Variants in THEMIS observed in about 807,000 individuals in gnomAD.
THEMIS encodes thymocyte selection associated, also known as protein THEMIS.
THEMIS carries 37 observed loss-of-function variants against 52.6 expected under a neutral mutation model. That is an observed-to-expected ratio of 0.70 (90% CI 0.54 to 0.93). THEMIS has a LOEUF of 0.93. THEMIS is among the 40% of genes least tolerant of loss of function. The pLI is 0.00. For missense variants in THEMIS, 808 were observed against 763.1 expected, an observed-to-expected ratio of 1.06 and a Z score of -0.69; for synonymous variants, 292 against 272.7, an observed-to-expected ratio of 1.07 and a Z score of -0.70.
chr6:127,703,701 A>T (rs1011138505), downstream of THEMIS, among the ~76,000 whole-genome samples: 1 of 152,184 alleles, frequency 6.6e-6, no homozygotes, highest in Non-Finnish European at 1.5e-5. Context: ...ATAATAAACT[A>T]AACCTTGCAA....
Position 127,813,081 on chromosome 6 carries a change from A to G in THEMIS, c.1560T>C (p.Ser520=). Residue 520 remains serine, a synonymous_variant, in exon 4 of 6, where the codon TCT becomes TCC. Transcript: ENST00000368248. ...TGACTAGAAATGGTTCTGCATCCCTAGAGAAATTACTAACTAACTGAACAG... is the reference window on the plus strand; with the variant it reads ...TGACTAGAAATGGTTCTGCATCCCTGGAGAAATTACTAACTAACTGAACAG... ...NMTVQLVSNF[S]RDAEPFLVRT... The G allele has an allele frequency of 6.2e-7, 1 of 1,614,096 alleles. No individual in the cohort carries two copies. The highest frequency in any genetic ancestry group is 8.5e-7 in the Non-Finnish European group (1 of 1,180,012).
intron 4 of THEMIS, among the ~76,000 whole-genome samples, chr6:127,780,195 T>G (rs549507801): frequency 8.5e-5 from 13 of 152,316 alleles, no homozygotes; most frequent in African/African-American, 3.1e-4. Context: ...TTAAAGTCTG[T>G]TTTATCAGAG....
intron 4 of THEMIS, among the ~76,000 whole-genome samples, chr6:127,739,081 C>A (rs993569487): frequency 1.3e-5 from 2 of 152,160 alleles, no homozygotes; most frequent in African/African-American, 4.8e-5. Flanking sequence ...TTGTGTGCAT[C>A]TAAACTCCCT....
intron 5 of THEMIS, among the ~76,000 whole-genome samples, chr6:127,714,705 C>G (rs977563012): frequency 3.3e-5 from 5 of 151,934 alleles, no homozygotes; most frequent in African/African-American, 4.8e-5. Flanking sequence ...GGGTCTGTCT[C>G]ATTGCAAAAC....
intron 1 of THEMIS, among the ~76,000 whole-genome samples, chr6:127,859,425 T>G (rs1779721910): frequency 6.6e-6 from 1 of 152,172 alleles, no homozygotes; most frequent in Non-Finnish European, 1.5e-5. Context: ...CAATTTATTA[T>G]GATTTCCTAG....
chr6:127,803,616 C>G (rs1477041893), intron 4 of THEMIS, among the ~76,000 whole-genome samples: 1 of 152,096 alleles, frequency 6.6e-6, no homozygotes, highest in Non-Finnish European at 1.5e-5. Context: ...GTTCTACTTC[C>G]TGAAACTTAT....
the THEMIS span, among the ~76,000 whole-genome samples, chr6:127,701,819 T>C: frequency 2.6e-5 from 4 of 152,200 alleles, no homozygotes; most frequent in Non-Finnish European, 5.9e-5. Flanking sequence ...TTTATGTTCA[T>C]TATCCTTTCG....
intron 4 of THEMIS, among the ~76,000 whole-genome samples, chr6:127,791,675 A>G (rs150047695): frequency 1.3e-5 from 2 of 152,132 alleles, no homozygotes; most frequent in African/African-American, 4.8e-5. Context: ...CATGGTGCCT[A>G]TGGTGCCCTG....
intron 2 of THEMIS, among the ~76,000 whole-genome samples, chr6:127,847,968 G>A (rs1583347416): frequency 6.6e-6 from 1 of 150,754 alleles, no homozygotes; most frequent in South Asian, 2.1e-4. Context: ...TGCACAATGT[G>A]CAGGTTGGTT....
At chr6:127,832,934 C>T (rs1390596030) in intron 2 of THEMIS, among the ~76,000 whole-genome samples, 1 of 151,552 alleles carries the variant, frequency 6.6e-6, no homozygotes, top group African/African-American at 2.4e-5. Context: ...CAGGTGTGCA[C>T]CACCATACTC....
chr6:127,858,771 T>C (rs1779700332), intron 1 of THEMIS, among the ~76,000 whole-genome samples: 1 of 152,114 alleles, frequency 6.6e-6, no homozygotes, highest in African/African-American at 2.4e-5. Flanking sequence ...TCGAATCTAT[T>C]AAATCTTTAC....
chr6:127,877,126 A>T (rs897061533), intron 1 of THEMIS, among the ~76,000 whole-genome samples: 1 of 152,190 alleles, frequency 6.6e-6, no homozygotes, highest in Non-Finnish European at 1.5e-5. Context: ...GAGTCTTCAG[A>T]GAGTCATAAT....
chr6:127,848,297 G>A (rs1018395924), intron 2 of THEMIS, among the ~76,000 whole-genome samples: 12 of 151,806 alleles, frequency 7.9e-5, no homozygotes, highest in African/African-American at 2.4e-4. Context: ...GTGTATATGT[G>A]CCACATTTTC....
At chr6:127,798,978 C>T (rs1458502103) in intron 4 of THEMIS, among the ~76,000 whole-genome samples, 1 of 130,308 alleles carries the variant, frequency 7.7e-6, no homozygotes, top group South Asian at 2.3e-4. Context: ...GGCGACAGAG[C>T]GAGACTCCGT....
chr6:127,816,727 T>C (rs902382457), intron 3 of THEMIS, among the ~76,000 whole-genome samples: 11 of 152,168 alleles, frequency 7.2e-5, no homozygotes, highest in African/African-American at 2.7e-4. Context: ...TTTATGTCTG[T>C]CTTCTGTTTA....
At chr6:127,759,647 C>T (rs1775948468) in intron 4 of THEMIS, among the ~76,000 whole-genome samples, 1 of 152,146 alleles carries the variant, frequency 6.6e-6, no homozygotes, top group African/African-American at 2.4e-5. Flanking sequence ...CAAACACATC[C>T]AGCATGTAAC....
rs188921943 is a variant in THEMIS at position 127,850,684 on chromosome 6, A to G, written c.250+4346T>C. On this transcript the variant is annotated intron_variant, in intron 2 of 5. Transcript: ENST00000368248. ...CTCACTTACAAGTAGGAGCTAAGCT[A>G]TGAGGACACAAAGGCATAAGAGTGA... Among the ~76,000 whole-genome samples the G allele has an allele frequency of 2.1e-3, 312 of 151,946 alleles. 5 individuals carry two copies. The highest frequency in any genetic ancestry group is 2.5e-3 in the Non-Finnish European group (168 of 67,836).
In THEMIS at chr6:127,883,605, T is replaced by C. The variant is rs774499240; in HGVS notation, c.91+17237A>G. On this transcript the variant is annotated intron_variant, in intron 1 of 5. Transcript: ENST00000368248. ...GTTTGACTTAGCAATTTTTTGACTT[T>C]ATGATGATGTGAAAGTAGTACCTAT... 3.9e-5 allele frequency among the ~76,000 whole-genome samples: 6 copies of C among 152,210 alleles called. No homozygotes were observed. In the East Asian group the frequency reaches 1.2e-3, roughly 29 times the overall value.
intron 1 of THEMIS, among the ~76,000 whole-genome samples, chr6:127,900,269 G>A (rs1781098138): frequency 6.6e-6 from 1 of 151,818 alleles, no homozygotes; most frequent in East Asian, 1.9e-4. Flanking sequence ...ATTGAACTCT[G>A]AGTTTCAACA....
Sources: gnomAD v4.1 joint callset for allele counts (sites outside exome capture counted in the v4.1 genomes callset) on GRCh38, gnomAD v4.1.1 for gene constraint, MANE v1.5 for transcripts, NCBI Gene and HGNC (gene_info 2026-07-23, HGNC 2026-07-21) for gene names.